The following TRPC6 variants were observed in gnomAD, a reference collection of about 807,000 sequenced individuals.
TRPC6 encodes the protein short transient receptor potential channel 6.
Under a neutral mutation model 90.7 loss-of-function variants are expected in TRPC6, and 55 were observed. The ratio of observed to expected loss-of-function variants is 0.61; its 90% CI spans 0.49 to 0.76. The LOEUF (loss-of-function observed/expected upper bound fraction) is 0.76. TRPC6 is among the 30% of genes least tolerant of loss of function. TRPC6 has a pLI of 0.00. For synonymous variants in TRPC6, 393 were observed against 393.0 expected, an observed-to-expected ratio of 1.00 and a Z score of 0.00; for missense variants, 989 against 1,122.7, an observed-to-expected ratio of 0.88 and a Z score of 1.70.
intron 1 of TRPC6, among the ~76,000 whole-genome samples, chr11:101,553,574 TA>T (rs1444100178): frequency 6.6e-6 from 1 of 152,176 alleles, no homozygotes; most frequent in Non-Finnish European, 1.5e-5. Context: ...CATTATACTC[TA>T]GATTGCTGAT....
chr11:101,516,851 A>G (rs1159576586), intron 1 of TRPC6, among the ~76,000 whole-genome samples: 1 of 152,244 alleles, frequency 6.6e-6, no homozygotes, highest in African/African-American at 2.4e-5. Flanking sequence ...CTTCTCTGCT[A>G]TAAAAGAGCA....
intron 4 of TRPC6, among the ~76,000 whole-genome samples, chr11:101,485,731 C>T (rs1022460856): frequency 8.6e-5 from 13 of 151,878 alleles, no homozygotes; most frequent in African/African-American, 2.9e-4. Flanking sequence ...TACAGTAGAG[C>T]GTAAATTAAA....
intron 1 of TRPC6, among the ~76,000 whole-genome samples, chr11:101,581,792 G>C (rs1181278190): frequency 6.6e-6 from 1 of 152,154 alleles, no homozygotes; most frequent in Non-Finnish European, 1.5e-5. Context: ...TAGCAACCTT[G>C]TCATCATCTG....
intron 1 of TRPC6, among the ~76,000 whole-genome samples, chr11:101,571,335 G>A (rs180729080): frequency 1.3e-5 from 2 of 152,070 alleles, no homozygotes; most frequent in Non-Finnish European, 2.9e-5. Flanking sequence ...ACCTCTTCAA[G>A]GAGAACTACA....
chr11:101,463,399 T>G (rs1262600632), intron 10 of TRPC6, among the ~76,000 whole-genome samples: 1 of 152,224 alleles, frequency 6.6e-6, no homozygotes, highest in Non-Finnish European at 1.5e-5. Context: ...AGCTCCTCTT[T>G]GTACCTCTGG....
intron 1 of TRPC6, among the ~76,000 whole-genome samples, chr11:101,536,711 T>C (rs1490296255): frequency 6.6e-6 from 1 of 152,168 alleles, no homozygotes; most frequent in South Asian, 2.1e-4. Context: ...ATGATGCCTC[T>C]CTGGGCTCAG....
chr11:101,506,335 T>C (rs1860265636), intron 1 of TRPC6, among the ~76,000 whole-genome samples: 1 of 149,520 alleles, frequency 6.7e-6, no homozygotes, highest in Non-Finnish European at 1.5e-5. Context: ...TTCCCTCCAA[T>C]ATGTTCAGGT....
intron 2 of TRPC6, among the ~76,000 whole-genome samples, chr11:101,496,747 G>A (rs1305712638): frequency 6.6e-6 from 1 of 152,070 alleles, no homozygotes; most frequent in Non-Finnish European, 1.5e-5. Context: ...TCAGGGGCTG[G>A]GGTTGCTCAT....
intron 1 of TRPC6, among the ~76,000 whole-genome samples, chr11:101,573,407 A>G (rs1862006589): frequency 1.3e-5 from 2 of 152,184 alleles, no homozygotes; most frequent in Admixed American, 6.5e-5. Flanking sequence ...TCTTTGGCAA[A>G]TTATTTTACC....
intron 1 of TRPC6, among the ~76,000 whole-genome samples, chr11:101,550,478 G>T (rs147741473): frequency 6.6e-6 from 1 of 151,478 alleles, no homozygotes; most frequent in South Asian, 2.1e-4. Context: ...TTCTGCTAAC[G>T]CTATTATGCA....
chr11:101,560,271 T>C (rs1439532516), intron 1 of TRPC6, among the ~76,000 whole-genome samples: 1 of 151,272 alleles, frequency 6.6e-6, no homozygotes, highest in Non-Finnish European at 1.5e-5. Context: ...ACACTTCACA[T>C]ATAAAACCTT....
chr11:101,454,527 G>C (rs1271290017), intron 11 of TRPC6, among the ~76,000 whole-genome samples: 1 of 151,656 alleles, frequency 6.6e-6, no homozygotes, highest in Non-Finnish European at 1.5e-5. Context: ...AAATTAATAG[G>C]AATATATATT....
At chr11:101,482,727 G>A (rs796726963) in intron 5 of TRPC6, among the ~76,000 whole-genome samples, 1 of 152,134 alleles carries the variant, frequency 6.6e-6, no homozygotes, top group Non-Finnish European at 1.5e-5. Flanking sequence ...TTCTTCCTGG[G>A]TTTTCCTTGG....
At chr11:101,553,801 T>A (rs1305799927) in intron 1 of TRPC6, among the ~76,000 whole-genome samples, 2 of 152,104 alleles carry the variant, frequency 1.3e-5, no homozygotes, top group Admixed American at 1.3e-4. Flanking sequence ...CACTCATACA[T>A]CATTCTCTCC....
chr11:101,500,799 C>A (rs548563772), intron 2 of TRPC6, among the ~76,000 whole-genome samples: 1 of 152,040 alleles, frequency 6.6e-6, no homozygotes, highest in African/African-American at 2.4e-5. Context: ...GAAAATATAA[C>A]CTCAAGGAGT....
At chr11:101,460,821 T>A (rs1409866277) in intron 10 of TRPC6, among the ~76,000 whole-genome samples, 1 of 152,178 alleles carries the variant, frequency 6.6e-6, no homozygotes, top group Non-Finnish European at 1.5e-5. Context: ...AGAAGTCAGT[T>A]GCCTGTATAT....
intron 4 of TRPC6, among the ~76,000 whole-genome samples, chr11:101,483,438 C>T (rs1218421643): frequency 6.6e-6 from 1 of 151,932 alleles, no homozygotes; most frequent in Non-Finnish European, 1.5e-5. Context: ...TATATAATAT[C>T]GTTGACAAAA....
At chr11:101,578,891 T>C (rs1228198677) in intron 1 of TRPC6, among the ~76,000 whole-genome samples, 1 of 152,164 alleles carries the variant, frequency 6.6e-6, no homozygotes, top group Non-Finnish European at 1.5e-5. Context: ...AACTCTCTCA[T>C]TCAAATCTCT....
intron 4 of TRPC6, among the ~76,000 whole-genome samples, chr11:101,484,403 C>G (rs191295516): frequency 6.6e-6 from 1 of 152,070 alleles, no homozygotes; most frequent in African/African-American, 2.4e-5. Flanking sequence ...TTTTAAGACT[C>G]GGAAAAGATA....
Sources: gnomAD v4.1 joint callset for allele counts (sites outside exome capture counted in the v4.1 genomes callset) on GRCh38, gnomAD v4.1.1 for gene constraint, MANE v1.5 for transcripts, NCBI Gene and HGNC (gene_info 2026-07-23, HGNC 2026-07-21) for gene names.